CTNNBIP1: variants seen among roughly 807,000 people sequenced by gnomAD.
CTNNBIP1 encodes beta-catenin-interacting protein 1.
A neutral mutation model predicts 11.8 loss-of-function variants in CTNNBIP1; 7 were observed. The ratio of observed to expected loss-of-function variants is 0.60; its 90% CI spans 0.34 to 1.12. The LOEUF is 1.12. Ranked by LOEUF, CTNNBIP1 falls within the 50% of genes most tolerant of loss-of-function variation. The pLI is 0.03. For missense variants in CTNNBIP1, 101 were observed against 113.4 expected (o/e 0.89, Z 0.50); for synonymous variants, 58 against 43.9 (o/e 1.32, Z -1.26).
chr1:9,902,911 G>A (rs1639550143), intron 1 of CTNNBIP1, among the ~76,000 whole-genome samples: 1 of 152,100 alleles, frequency 6.6e-6, no homozygotes, highest in African/African-American at 2.4e-5. Context: ...GACTACAGGT[G>A]CGTACCACCA....
At position 9,883,774 on chromosome 1, in the gene CTNNBIP1, TC is replaced by T. The variant is rs1328768004; in HGVS notation, c.-143-37del. 1 of 153,548 alleles carries T rather than the reference TC, an allele frequency of 6.5e-6. No homozygotes were observed. Among genetic ancestry groups the T allele is most frequent in the African/African-American group, 2.4e-5 (1 of 41,464 alleles). 9.5% of individuals were successfully genotyped at this position (153,548 alleles called of 1,614,324 possible). A position where few individuals can be genotyped will look rare whatever the true frequency, so the allele number is the denominator to read the frequency against. Reference sequence around the variant, plus strand: ...GAGAAGAGGGGCAGAATCTTGCCTGTCCTTTCCCAGGTGCCCTGGCCCCCAC... The same window carrying T: ...GAGAAGAGGGGCAGAATCTTGCCTGTCTTTCCCAGGTGCCCTGGCCCCCAC... On this transcript the variant is annotated intron_variant, in intron 1 of 5. Transcript: ENST00000377263. The surrounding 1 kb of genome is among the most constrained non-coding windows in gnomAD (Gnocchi z 5.6).
chr1:9,889,713 G>A lies in CTNNBIP1; in HGVS notation c.-143-5975C>T, dbSNP rs557323057. The stretch of plus-strand genomic sequence containing the variant: ...ACTGGAAGCTCTTTGAGGACAGACC[G>A]GGGGTGGTTTTAAGGCCTTTATAGG... On this transcript the variant is annotated intron_variant, in intron 1 of 5. Coordinates refer to ENST00000377263, the MANE Select transcript of CTNNBIP1 (RefSeq NM_020248.3). 2.0e-4 allele frequency among the ~76,000 whole-genome samples: 31 copies of A among 152,300 alleles called. 1 individual carries two copies. The South Asian group carries it at 2.3e-3, about 11-fold the overall frequency.
chr1:9,896,999 G>A (rs529141264), intron 1 of CTNNBIP1, among the ~76,000 whole-genome samples: 40 of 149,888 alleles, frequency 2.7e-4, no homozygotes, highest in Non-Finnish European at 4.6e-4. Context: ...AAAATTAGCC[G>A]GGCATGGTGG....
chr1:9,863,865 C>T (rs531070196), intron 5 of CTNNBIP1, among the ~76,000 whole-genome samples: 5 of 152,282 alleles, frequency 3.3e-5, no homozygotes, highest in South Asian at 2.1e-4. Context: ...AGGGCAGGGC[C>T]GCTGAGGGGG....
At chr1:9,856,268 T>C (rs927808078) in intron 5 of CTNNBIP1, among the ~76,000 whole-genome samples, 2 of 151,812 alleles carry the variant, frequency 1.3e-5, no homozygotes, top group African/African-American at 4.8e-5. Flanking sequence ...GCCTCTGCCA[T>C]GTAAAGTACT....
intron 1 of CTNNBIP1, among the ~76,000 whole-genome samples, chr1:9,893,601 A>C (rs1159760149): frequency 6.6e-6 from 1 of 152,214 alleles, no homozygotes; most frequent in Non-Finnish European, 1.5e-5. Context: ...CTCTCCATTG[A>C]GAGGAAAAAG....
intron 1 of CTNNBIP1, among the ~76,000 whole-genome samples, chr1:9,888,615 C>T (rs890616492): frequency 6.6e-6 from 1 of 152,256 alleles, no homozygotes; most frequent in East Asian, 1.9e-4. Context: ...TCTGTCTACA[C>T]ACAGTGCCAT....
chr1:9,875,153 G>A (rs542363744), intron 3 of CTNNBIP1, among the ~76,000 whole-genome samples: 52 of 152,270 alleles, frequency 3.4e-4, no homozygotes, highest in African/African-American at 1.2e-3. Flanking sequence ...CTTAGCCGAC[G>A]TGGGAAGCAG....
At chr1:9,864,606 G>C (rs1638706786) in intron 5 of CTNNBIP1, among the ~76,000 whole-genome samples, 1 of 152,182 alleles carries the variant, frequency 6.6e-6, no homozygotes, top group Non-Finnish European at 1.5e-5. Flanking sequence ...GAGATTACAG[G>C]TGTGAGCCAC....
rs115667887 is a variant in CTNNBIP1, at chr1:9,891,142, G to A, written c.-143-7404C>T. ...AAGAAAGGGGGAAAACTGACACAGT[G>A]CTATTTTTGGCGGGGGTGGGGGGCA... On this transcript the variant is annotated intron_variant, in intron 1 of 5. Transcript: ENST00000377263. 4.7e-3 allele frequency among the ~76,000 whole-genome samples: 710 copies of A among 150,270 alleles called. 6 individuals carry two copies. The highest frequency in any genetic ancestry group is 0.016 in the African/African-American group (643 of 40,786).
At chr1:9,885,242 G>C (rs2101514669) in intron 1 of CTNNBIP1, among the ~76,000 whole-genome samples, 1 of 152,302 alleles carries the variant, frequency 6.6e-6, no homozygotes, top group South Asian at 2.1e-4. Context: ...TTCAGTCTAA[G>C]TGGCTGAAGG....
At chr1:9,898,975 AT>A (rs1639466054) in intron 1 of CTNNBIP1, among the ~76,000 whole-genome samples, 1 of 151,846 alleles carries the variant, frequency 6.6e-6, no homozygotes, top group Non-Finnish European at 1.5e-5. Flanking sequence ...ATTTTTTGGT[AT>A]TTAAAAAAAA....
At chr1:9,876,561 G>A (rs1004992816) in intron 3 of CTNNBIP1, among the ~76,000 whole-genome samples, 1 of 152,280 alleles carries the variant, frequency 6.6e-6, no homozygotes, top group Non-Finnish European at 1.5e-5. Flanking sequence ...CAGTTGCCTG[G>A]AGCCAAGATC....
At chr1:9,898,509 C>T (rs553809418) in intron 1 of CTNNBIP1, among the ~76,000 whole-genome samples, 2 of 150,942 alleles carry the variant, frequency 1.3e-5, no homozygotes, top group Admixed American at 6.6e-5. Context: ...GGCAACACAG[C>T]GAGACTGTGT....
intron 5 of CTNNBIP1, among the ~76,000 whole-genome samples, chr1:9,858,411 C>T (rs1283883891): frequency 5.9e-5 from 9 of 152,200 alleles, no homozygotes; most frequent in African/African-American, 1.4e-4. Context: ...ACTGCCACTT[C>T]GCCTCCCTTT....
intron 5 of CTNNBIP1, among the ~76,000 whole-genome samples, chr1:9,860,062 T>C (rs913225704): frequency 1.3e-5 from 2 of 152,140 alleles, no homozygotes; most frequent in Admixed American, 1.3e-4. Context: ...TCCAGGATCC[T>C]GCAAAGTCCA....
chr1:9,860,417 C>A (rs1045067963), intron 5 of CTNNBIP1, among the ~76,000 whole-genome samples: 9 of 140,866 alleles, frequency 6.4e-5, no homozygotes, highest in Non-Finnish European at 1.2e-4. Flanking sequence ...ATGGTGAAAC[C>A]CCGTCTCTAC....
At chr1:9,887,202 A>C (rs1327277781) in intron 1 of CTNNBIP1, among the ~76,000 whole-genome samples, 2 of 152,240 alleles carry the variant, frequency 1.3e-5, no homozygotes, top group African/African-American at 4.8e-5. Context: ...AAGTCCAGGC[A>C]CAGAGTGGCA....
chr1:9,857,604 C>G (rs901681688), intron 5 of CTNNBIP1, among the ~76,000 whole-genome samples: 58 of 152,030 alleles, frequency 3.8e-4, no homozygotes, highest in Non-Finnish European at 2.9e-5. Context: ...AGTTTGAGAC[C>G]AGCCTATCCA....
Sources: gnomAD v4.1 joint callset for allele counts (sites outside exome capture counted in the v4.1 genomes callset) on GRCh38, gnomAD v4.1.1 for gene constraint, Gnocchi (gnomAD v3.1) non-coding constraint, MANE v1.5 for transcripts, NCBI Gene and HGNC (gene_info 2026-07-23, HGNC 2026-07-21) for gene names.